The following VWC2L variants were observed in gnomAD, a reference collection of about 807,000 sequenced individuals.
The protein encoded by VWC2L is von Willebrand factor C domain containing 2 like.
VWC2L carries 10 observed loss-of-function variants against 21.6 expected under a neutral mutation model. The ratio of observed to expected loss-of-function variants is 0.46; its 90% CI spans 0.29 to 0.78. VWC2L has a LOEUF of 0.78. Ranked by LOEUF, VWC2L falls within the 30% of genes least tolerant of loss-of-function variation. VWC2L has a pLI of 0.10. For missense variants in VWC2L, 209 were observed against 277.1 expected (o/e 0.75, Z 1.74); for synonymous variants, 96 against 94.3 (o/e 1.02, Z -0.10).
chr2:214,456,465 A>G (rs1340289891), intron 3 of VWC2L, among the ~76,000 whole-genome samples: 1 of 152,018 alleles, frequency 6.6e-6, no homozygotes, highest in Non-Finnish European at 1.5e-5. Context: ...TATTCCGGAC[A>G]TTACGCCTTT....
At chr2:214,433,055 G>A (rs1037581531) in intron 2 of VWC2L, among the ~76,000 whole-genome samples, 1 of 150,260 alleles carries the variant, frequency 6.7e-6, no homozygotes, top group African/African-American at 2.5e-5. Context: ...TGTATTCAGA[G>A]ATAGCAGAAA....
At chr2:214,489,390 G>A (rs928406105) in intron 3 of VWC2L, among the ~76,000 whole-genome samples, 2 of 152,174 alleles carry the variant, frequency 1.3e-5, no homozygotes, top group Non-Finnish European at 2.9e-5. Flanking sequence ...TGCCCCTAGA[G>A]GTAGAGAGAC....
chr2:214,534,016 T>G (rs1396466667), intron 3 of VWC2L: 1 of 152,576 alleles, frequency 6.6e-6, no homozygotes, highest in Admixed American at 6.6e-5. Context: ...CTAGCGCTGC[T>G]TGATTCCCTT....
chr2:214,531,418 A>G (rs371376378), intron 3 of VWC2L, among the ~76,000 whole-genome samples: 2 of 152,178 alleles, frequency 1.3e-5, no homozygotes, highest in Non-Finnish European at 2.9e-5. Flanking sequence ...TTCCAAATGT[A>G]TGGAAGAACA....
At chr2:214,480,126 C>G (rs1407338426) in intron 3 of VWC2L, among the ~76,000 whole-genome samples, 2 of 152,056 alleles carry the variant, frequency 1.3e-5, no homozygotes, top group Non-Finnish European at 2.9e-5. Context: ...ATTACGTATA[C>G]CATTTCACAT....
At chr2:214,445,397 C>T (rs1442923488) in intron 3 of VWC2L, among the ~76,000 whole-genome samples, 1 of 151,472 alleles carries the variant, frequency 6.6e-6, no homozygotes, top group Admixed American at 6.6e-5. Context: ...ATATGAACTA[C>T]TAAGAAAGCA....
chr2:214,547,105 A>G (rs1490634635), intron 3 of VWC2L, among the ~76,000 whole-genome samples: 1 of 152,214 alleles, frequency 6.6e-6, no homozygotes, highest in Non-Finnish European at 1.5e-5. Context: ...CGGCATTTTT[A>G]AAATCAGGAT....
At chr2:214,518,877 C>T (rs1689187135) in intron 3 of VWC2L, among the ~76,000 whole-genome samples, 1 of 152,144 alleles carries the variant, frequency 6.6e-6, no homozygotes, top group Non-Finnish European at 1.5e-5. Context: ...TAATTTACTT[C>T]TACAAAGCCC....
chr2:214,557,326 A>G (rs759707373), intron 3 of VWC2L, among the ~76,000 whole-genome samples: 3 of 152,142 alleles, frequency 2.0e-5, no homozygotes, highest in Admixed American at 6.6e-5. Context: ...CGTGAGACGT[A>G]TTCACTACCA....
Position 214,461,368 on chromosome 2 carries a change from C to T in VWC2L, c.520+24610C>T, listed in dbSNP as rs541784276. 1.3e-4 allele frequency among the ~76,000 whole-genome samples: 20 copies of T among 152,234 alleles called. No homozygotes were observed. In the South Asian group the frequency reaches 3.7e-3, roughly 28 times the overall value. Reference sequence around the variant, plus strand: ...CAGTGATAAAACAACCCTCAAGTTCCAAGGGGGAACACTCTAGTGTTAATG... The same window carrying T: ...CAGTGATAAAACAACCCTCAAGTTCTAAGGGGGAACACTCTAGTGTTAATG... On this transcript the variant is annotated intron_variant, in intron 3 of 3. Transcript: ENST00000312504.
At chr2:214,425,748 C>A (rs1383911996) in intron 2 of VWC2L, among the ~76,000 whole-genome samples, 1 of 152,110 alleles carries the variant, frequency 6.6e-6, no homozygotes, top group East Asian at 1.9e-4. Context: ...AGCGGTAGAT[C>A]TTGTGGGCTA....
chr2:214,414,794 A>C, intron 2 of VWC2L: 1 of 578,406 alleles, frequency 1.7e-6, no homozygotes. Flanking sequence ...AATAACCTTT[A>C]TTTTTTTTCC....
At position 214,577,808 on chromosome 2, in the gene VWC2L, G is replaced by T. The variant is rs1356909481; in HGVS notation, c.*1988G>T. On this transcript the variant is annotated 3_prime_UTR_variant, in exon 4 of 4. Coordinates refer to ENST00000312504, the MANE Select transcript of VWC2L (RefSeq NM_001080500.4). ...TCATTTCCAAAATTAACGTGCTGAC[G>T]AGTCAGACCTGACATTCTTATGCAC... is the stretch of plus-strand genomic sequence containing the variant. 1 of 152,126 alleles carries T rather than the reference G, an allele frequency of 6.6e-6. No individual in the cohort carries two copies. Among genetic ancestry groups the T allele is most frequent in the South Asian group, 2.1e-4 (1 of 4,816 alleles). The allele number at this position is 152,126 out of a possible 1,614,324, so 9.4% of individuals were successfully genotyped here. A position where few individuals can be genotyped will look rare whatever the true frequency, so the allele number is the denominator to read the frequency against.
At chr2:214,486,761 G>A (rs997581244) in intron 3 of VWC2L, among the ~76,000 whole-genome samples, 1 of 152,048 alleles carries the variant, frequency 6.6e-6, no homozygotes, top group Non-Finnish European at 1.5e-5. Flanking sequence ...TCACTACTCT[G>A]CTTTTAACCT....
In VWC2L at chr2:214,449,040, G is replaced by A. The variant is rs540996484; in HGVS notation, c.520+12282G>A. Among the ~76,000 whole-genome samples, 5 of 152,152 alleles carry A rather than the reference G, an allele frequency of 3.3e-5. No individual in the cohort carries two copies. In the South Asian group the frequency reaches 1.0e-3, roughly 32 times the overall value. On this transcript the variant is annotated intron_variant, in intron 3 of 3. Coordinates refer to ENST00000312504, the MANE Select transcript of VWC2L (RefSeq NM_001080500.4). ...TCTTCCCCACATTCCAACTAATTGG[G>A]GCCATATTTTATGACTCAGTCATCT...
intron 3 of VWC2L, among the ~76,000 whole-genome samples, chr2:214,497,693 CTGCAGTGGTGACGAAAA>C (rs1688831249): frequency 6.6e-6 from 1 of 152,168 alleles, no homozygotes; most frequent in Non-Finnish European, 1.5e-5. Flanking sequence ...ATCCAAAAAC[CTGCAGTGGTGACGAAAA>C]TGCCTGTTTC....
chr2:214,458,370 A>T (rs1703087801), intron 3 of VWC2L, among the ~76,000 whole-genome samples: 1 of 151,916 alleles, frequency 6.6e-6, no homozygotes, highest in Non-Finnish European at 1.5e-5. Context: ...TATCTTTTCA[A>T]AAAGACAACT....
intron 3 of VWC2L, among the ~76,000 whole-genome samples, chr2:214,540,037 T>C (rs978358516): frequency 2.0e-5 from 3 of 152,154 alleles, no homozygotes; most frequent in South Asian, 2.1e-4. Context: ...GAAAACCTAG[T>C]TGGAATTGAT....
At chr2:214,439,091 C>A (rs1467339823) in intron 3 of VWC2L, among the ~76,000 whole-genome samples, 1 of 151,882 alleles carries the variant, frequency 6.6e-6, no homozygotes, top group Non-Finnish European at 1.5e-5. Context: ...TGCCCCAAAA[C>A]TAAAGTATAA....
Sources: gnomAD v4.1 joint callset for allele counts (sites outside exome capture counted in the v4.1 genomes callset) on GRCh38, gnomAD v4.1.1 for gene constraint, MANE v1.5 for transcripts, NCBI Gene and HGNC (gene_info 2026-07-23, HGNC 2026-07-21) for gene names.